The following MRPL13 variants were observed in gnomAD, a reference collection of about 807,000 sequenced individuals.
MRPL13 encodes the protein large ribosomal subunit protein uL13m.
In MRPL13, 33 loss-of-function variants were observed where a neutral mutation model predicts 29.0. The ratio of observed to expected loss-of-function variants is 1.14; its 90% CI spans 0.86 to 1.52. MRPL13 has a LOEUF of 1.52. Ranked by LOEUF, MRPL13 falls within the 40% of genes most tolerant of loss-of-function variation. MRPL13 has a pLI of 0.00. For synonymous variants in MRPL13, 77 were observed against 68.4 expected (o/e 1.13, Z -0.62); for missense variants, 227 against 216.7 (o/e 1.05, Z -0.30).
intron 4 of MRPL13, among the ~76,000 whole-genome samples, chr8:120,421,696 C>G (rs999400816): frequency 1.3e-5 from 2 of 151,770 alleles, no homozygotes; most frequent in Admixed American, 1.3e-4. Context: ...ATTTCCTAAG[C>G]CTTCCTCAAA....
At chr8:120,440,422 A>G (rs1390764950) in intron 2 of MRPL13, among the ~76,000 whole-genome samples, 1 of 152,172 alleles carries the variant, frequency 6.6e-6, no homozygotes, top group Non-Finnish European at 1.5e-5. Context: ...GCCTGGCAAC[A>G]TGGTGAAACC....
At chr8:120,437,600 C>G (rs1196934423) in intron 2 of MRPL13, among the ~76,000 whole-genome samples, 5 of 152,096 alleles carry the variant, frequency 3.3e-5, no homozygotes, top group Non-Finnish European at 5.9e-5. Context: ...AAAAAGTTCT[C>G]AAGTCCCAAA....
intron 4 of MRPL13, among the ~76,000 whole-genome samples, chr8:120,420,755 C>T (rs1812863455): frequency 6.6e-6 from 1 of 151,616 alleles, no homozygotes; most frequent in Admixed American, 6.6e-5. Flanking sequence ...TCTGGATAAG[C>T]AAGTAATTAT....
At chr8:120,411,066 C>T (rs1812735031) in intron 6 of MRPL13, among the ~76,000 whole-genome samples, 1 of 151,834 alleles carries the variant, frequency 6.6e-6, no homozygotes. Flanking sequence ...CCCACTCCCT[C>T]TCCCTCCCCT....
chr8:120,409,000 G>A (rs929020036), intron 6 of MRPL13, among the ~76,000 whole-genome samples: 2 of 152,136 alleles, frequency 1.3e-5, no homozygotes, highest in African/African-American at 2.4e-5. Context: ...TACTTTCGAA[G>A]AGACAGTTCT....
chr8:120,417,398 A>G (rs1402771448), intron 5 of MRPL13, among the ~76,000 whole-genome samples: 1 of 152,196 alleles, frequency 6.6e-6, no homozygotes, highest in Admixed American at 6.5e-5. Flanking sequence ...GCTCCACAAT[A>G]ACCTTTTACC....
At chr8:120,431,640 C>G (rs78949381) in intron 3 of MRPL13, among the ~76,000 whole-genome samples, 1,594 of 152,236 alleles carry the variant, frequency 0.01, 32 homozygotes, top group African/African-American at 0.037. Context: ...AAGAGAGATA[C>G]TGACAAACAA....
chr8:120,422,483 T>A (rs1812884132), intron 4 of MRPL13, among the ~76,000 whole-genome samples: 1 of 150,748 alleles, frequency 6.6e-6, no homozygotes. Context: ...AAATAAACAT[T>A]AATGAACCAT....
intron 4 of MRPL13, among the ~76,000 whole-genome samples, chr8:120,421,199 GA>G (rs943208999): frequency 9.2e-5 from 14 of 151,838 alleles, no homozygotes; most frequent in African/African-American, 2.9e-4. Flanking sequence ...ATAGGAAGGG[GA>G]AAAATCAAAT....
intron 6 of MRPL13, among the ~76,000 whole-genome samples, chr8:120,401,952 G>T (rs1812602529): frequency 6.6e-6 from 1 of 152,104 alleles, no homozygotes; most frequent in Non-Finnish European, 1.5e-5. Context: ...GGGAAATTAA[G>T]GACCTCTTCA....
intron 3 of MRPL13, 94 bp from the exon 4 acceptor site, chr8:120,425,460 TTG>T: frequency 1.1e-6 from 1 of 896,784 alleles, no homozygotes; most frequent in Non-Finnish European, 1.7e-6. Flanking sequence ...TTTTAATAAA[TTG>T]TTTCTCGAAA....
At chr8:120,415,364 G>A (rs891140420) in intron 5 of MRPL13, 2 of 152,120 alleles carry the variant, frequency 1.3e-5, no homozygotes, top group Non-Finnish European at 2.9e-5. Context: ...TCTCTGCAGA[G>A]CGCACTATTA....
chr8:120,425,547 C>A (rs1812923152), intron 3 of MRPL13, among the ~76,000 whole-genome samples, 181 bp from the exon 4 acceptor site: 1 of 152,134 alleles, frequency 6.6e-6, no homozygotes, highest in Non-Finnish European at 1.5e-5. Flanking sequence ...AAATGGTCAA[C>A]TACCATTATA....
At chr8:120,406,639 T>C (rs1464134107) in intron 6 of MRPL13, among the ~76,000 whole-genome samples, 1 of 150,710 alleles carries the variant, frequency 6.6e-6, no homozygotes, top group Non-Finnish European at 1.5e-5. Flanking sequence ...ATACAATTTA[T>C]ATATAGTATA....
intron 5 of MRPL13, chr8:120,419,630 A>G (rs1287203536): frequency 6.8e-6 from 2 of 295,990 alleles, no homozygotes; most frequent in Non-Finnish European, 1.2e-5. Flanking sequence ...TTTTTTAAAA[A>G]CTTACTTTTA....
rs1333989218 is a variant in MRPL13, at chr8:120,425,359, C to G, written c.253G>C (p.Gly85Arg). Residue 85 changes from glycine (G) to arginine (R), a missense_variant, in exon 4 of 7, where the codon GGT (glycine) becomes CGT (arginine). Transcript: ENST00000306185. ...KVYSSHTGYP[G>R]GFRQVTAAQL... is the part of the protein sequence containing the mutation. Reference sequence around the variant, plus strand: ...GCAGCTGTTACTTGTCTAAATCCACCTGGGTAGCTGTTAAAAGGAGAAAAG... The same window carrying G: ...GCAGCTGTTACTTGTCTAAATCCACGTGGGTAGCTGTTAAAAGGAGAAAAG... 3.1e-6 allele frequency: 5 copies of G among 1,611,774 alleles called. No homozygotes were observed. In the South Asian group the frequency reaches 5.5e-5, roughly 18 times the overall value.
Position 120,438,837 on chromosome 8 carries a change from G to C in MRPL13, c.151+4348C>G, listed in dbSNP as rs10090895. ...ACTCGACTGTCAATGAAGAGATGAG[G>C]TGGTTAAACAAAATATCTAAAGTCC... On this transcript the variant is annotated intron_variant, in intron 2 of 6. Coordinates refer to ENST00000306185, the MANE Select transcript of MRPL13 (RefSeq NM_014078.6). Among the ~76,000 whole-genome samples the C allele has an allele frequency of 1.5e-3, 227 of 152,270 alleles. 2 individuals carry two copies. Among genetic ancestry groups the C allele is most frequent in the African/African-American group, 5.1e-3 (213 of 41,552 alleles).
intron 3 of MRPL13, among the ~76,000 whole-genome samples, chr8:120,428,128 A>T (rs532840149): frequency 0.15 from 1,906 of 12,452 alleles, 35 homozygotes; most frequent in African/African-American, 0.27. Flanking sequence ...GGTACTGATA[A>T]AAAAAAAAAA....
chr8:120,418,147 C>T (rs557576210), intron 5 of MRPL13, among the ~76,000 whole-genome samples: 144 of 151,914 alleles, frequency 9.5e-4, no homozygotes, highest in African/African-American at 3.3e-3. Flanking sequence ...ATGTAGTATG[C>T]CATCTACATT....
Sources: gnomAD v4.1 joint callset for allele counts (sites outside exome capture counted in the v4.1 genomes callset) on GRCh38, gnomAD v4.1.1 for gene constraint, MANE v1.5 for transcripts, NCBI Gene and HGNC (gene_info 2026-07-23, HGNC 2026-07-21) for gene names.